DNAJC3: variants seen among roughly 807,000 people sequenced by gnomAD.
DNAJC3 encodes the protein DnaJ heat shock protein family (Hsp40) member C3.
DNAJC3 carries 38 observed loss-of-function variants against 68.6 expected under a neutral mutation model. That is an observed-to-expected ratio of 0.55 (90% CI 0.43 to 0.73). The LOEUF is 0.73. Among genes scored for constraint, DNAJC3 ranks in the 30% least tolerant of loss-of-function variants. The pLI is 0.00. For missense variants in DNAJC3, 526 were observed against 591.9 expected, an observed-to-expected ratio of 0.89 and a Z score of 1.16; for synonymous variants, 203 against 204.0, an observed-to-expected ratio of 1.00 and a Z score of 0.04.
At chr13:95,749,862 A>G (rs1336314397) in intron 4 of DNAJC3, among the ~76,000 whole-genome samples, 2 of 152,188 alleles carry the variant, frequency 1.3e-5, no homozygotes, top group African/African-American at 4.8e-5. Context: ...ATCCTGGCCA[A>G]CAAGATGAAA....
chr13:95,736,747 A>G (rs1467029517), intron 4 of DNAJC3, among the ~76,000 whole-genome samples: 3 of 146,872 alleles, frequency 2.0e-5, no homozygotes, highest in Admixed American at 6.8e-5. Context: ...TTCTAGATAT[A>G]CAATCATGTC....
chr13:95,754,834 A>G (rs16951334), intron 4 of DNAJC3, among the ~76,000 whole-genome samples: 22,224 of 152,184 alleles, frequency 0.15, 1,871 homozygotes, highest in Middle Eastern at 0.23. Context: ...TTGAGGCGCC[A>G]GAAGTAGAGG....
chr13:95,699,791 T>A (rs746866740), intron 1 of DNAJC3, among the ~76,000 whole-genome samples: 15 of 152,226 alleles, frequency 9.9e-5, no homozygotes, highest in Non-Finnish European at 1.5e-4. Flanking sequence ...TCTGTTTGTA[T>A]TACATTTCTC....
chr13:95,759,652 T>A (rs1882763113), intron 5 of DNAJC3, among the ~76,000 whole-genome samples: 1 of 152,232 alleles, frequency 6.6e-6, no homozygotes, highest in Non-Finnish European at 1.5e-5. Flanking sequence ...TTAGAATTGT[T>A]GATTAAGTAT....
chr13:95,764,683 TACACAC>T (rs1555328231), intron 9 of DNAJC3, among the ~76,000 whole-genome samples: 3 of 88,262 alleles, frequency 3.4e-5, no homozygotes, highest in Non-Finnish European at 6.3e-5. Context: ...TATATATATA[TACACAC>T]ACACACATAT....
intron 1 of DNAJC3, among the ~76,000 whole-genome samples, chr13:95,680,582 A>G (rs1879886808): frequency 6.6e-6 from 1 of 152,232 alleles, no homozygotes; most frequent in African/African-American, 2.4e-5. Context: ...ATTCTTTAAT[A>G]AGATAGGCTG....
At chr13:95,725,150 G>C (rs1228014910) in intron 3 of DNAJC3, 28 bp from the exon 4 acceptor site, 2 of 1,488,690 alleles carry the variant, frequency 1.3e-6, no homozygotes, top group Non-Finnish European at 1.8e-6. Context: ...TAATATTCAA[G>C]ATAATCCTCT....
rs969185580 is a variant in DNAJC3 at position 95,791,737 on chromosome 13, AC to A, written c.*710del. The A allele has an allele frequency of 6.6e-6, 1 of 152,194 alleles. No individual in the cohort carries two copies. The highest frequency in any genetic ancestry group is 1.5e-5 in the Non-Finnish European group (1 of 68,042). The allele number at this position is 152,194 out of a possible 1,614,324, so 9.4% of individuals were successfully genotyped here. ...AACTTGAATCTATAAATTCCTATGG[AC>A]CCTTTTAATATTAAACACAACAAAT... On this transcript the variant is annotated 3_prime_UTR_variant, in exon 12 of 12. Coordinates refer to ENST00000602402, the MANE Select transcript of DNAJC3 (RefSeq NM_006260.5).
At chr13:95,748,623 C>T (rs945379998) in intron 4 of DNAJC3, among the ~76,000 whole-genome samples, 3 of 152,174 alleles carry the variant, frequency 2.0e-5, no homozygotes, top group Non-Finnish European at 2.9e-5. Flanking sequence ...TGAGACCAGC[C>T]TGGCCAACAT....
chr13:95,734,554 T>C (rs1309272450), intron 4 of DNAJC3, among the ~76,000 whole-genome samples: 1 of 152,212 alleles, frequency 6.6e-6, no homozygotes, highest in Non-Finnish European at 1.5e-5. Context: ...TCTATCGACG[T>C]CTAAATCTTT....
intron 4 of DNAJC3, among the ~76,000 whole-genome samples, chr13:95,753,024 C>A (rs1294766241): frequency 6.6e-6 from 1 of 152,156 alleles, no homozygotes; most frequent in Non-Finnish European, 1.5e-5. Flanking sequence ...TTTGAGGTCT[C>A]TTGTGTATAT....
intron 9 of DNAJC3, among the ~76,000 whole-genome samples, chr13:95,764,689 C>G: frequency 7.8e-6 from 1 of 127,864 alleles, no homozygotes; most frequent in South Asian, 2.4e-4. Context: ...TATATACACA[C>G]ACACACATAT....
At chr13:95,744,811 G>A (rs1882254288) in intron 4 of DNAJC3, 1 of 152,172 alleles carries the variant, frequency 6.6e-6, no homozygotes, top group Non-Finnish European at 1.5e-5. Context: ...TTCAAAATCA[G>A]TGCATACAGT....
intron 9 of DNAJC3, among the ~76,000 whole-genome samples, chr13:95,784,834 C>T (rs745617080): frequency 2.0e-5 from 3 of 151,886 alleles, no homozygotes; most frequent in Non-Finnish European, 2.9e-5. Context: ...TACTGCTGGG[C>T]GTGGTGGTGC....
rs958660921 is a variant in DNAJC3 at position 95,794,413 on chromosome 13, C to G, written c.*3383C>G. 1.3e-5 allele frequency: 2 copies of G among 152,188 alleles called. No individual in the cohort carries two copies. The highest frequency in any genetic ancestry group is 4.8e-5 in the African/African-American group (2 of 41,442). 9.4% of individuals were successfully genotyped at this position (152,188 alleles called of 1,614,324 possible). ...CGTTGCAAAGTTTTCACTGAGCACACAGCAATGGTATCACCTAGAGAAGTT... is the reference window on the plus strand; with the variant it reads ...CGTTGCAAAGTTTTCACTGAGCACAGAGCAATGGTATCACCTAGAGAAGTT... On this transcript the variant is annotated 3_prime_UTR_variant, in exon 12 of 12. Transcript: ENST00000602402.
At position 95,735,583 on chromosome 13, in the gene DNAJC3, AT is replaced by A. The variant is rs1278110515; in HGVS notation, c.393+10337del. Among the ~76,000 whole-genome samples, 4 of 150,918 alleles carry A rather than the reference AT, an allele frequency of 2.7e-5. No homozygotes were observed. In the East Asian group the frequency reaches 7.7e-4, roughly 29 times the overall value. Reference sequence around the variant, plus strand: ...TCTCTGATGGCCAGTGATGATGAGCATTTTTTCATGTGTTTTTTGGCCGCAT... The same window carrying A: ...TCTCTGATGGCCAGTGATGATGAGCATTTTTCATGTGTTTTTTGGCCGCAT... On this transcript the variant is annotated intron_variant, in intron 4 of 11. Coordinates refer to ENST00000602402, the MANE Select transcript of DNAJC3 (RefSeq NM_006260.5).
chr13:95,742,931 G>A (rs999243660), intron 4 of DNAJC3: 5 of 454,340 alleles, frequency 1.1e-5, no homozygotes, highest in African/African-American at 2.0e-5. Context: ...TAAGCCCATA[G>A]TCTATTTGAG....
chr13:95,784,907 C>T (rs895978816), intron 9 of DNAJC3, among the ~76,000 whole-genome samples: 1 of 151,636 alleles, frequency 6.6e-6, no homozygotes, highest in Admixed American at 6.6e-5. Context: ...CCTGGGAGGT[C>T]GAGGATGCAG....
chr13:95,683,651 G>A (rs1236086669), intron 1 of DNAJC3, among the ~76,000 whole-genome samples: 1 of 151,862 alleles, frequency 6.6e-6, no homozygotes, highest in African/African-American at 2.4e-5. Flanking sequence ...TTCCGGCTGG[G>A]CACTGTGGCT....
Sources: allele counts gnomAD v4.1 joint callset (sites outside exome capture counted in the v4.1 genomes callset), GRCh38; gene constraint gnomAD v4.1.1; transcripts MANE v1.5; gene names NCBI Gene and HGNC (gene_info 2026-07-23, HGNC 2026-07-21).